The following QTGAL variants were observed in gnomAD, a reference collection of about 807,000 sequenced individuals.
The protein encoded by QTGAL is BGnT-like protein 1.
the QTGAL span, among the ~76,000 whole-genome samples, chr17:83,040,363 G>A: frequency 2.6e-5 from 4 of 152,196 alleles, no homozygotes; most frequent in South Asian, 8.3e-4. Flanking sequence ...ATGCAATATA[G>A]GCAGGCATAT....
the QTGAL span, chr17:83,011,637 G>A: frequency 6.6e-6 from 1 of 152,176 alleles, no homozygotes; most frequent in Admixed American, 6.5e-5. Context: ...GAAGAGCTTC[G>A]ACGTGGAGAA....
chr17:82,999,981 G>A, the QTGAL span, among the ~76,000 whole-genome samples: 9 of 152,006 alleles, frequency 5.9e-5, no homozygotes, highest in South Asian at 1.9e-3. Flanking sequence ...TTGTTTTTTT[G>A]AGATGGAGTC....
the QTGAL span, among the ~76,000 whole-genome samples, chr17:83,026,966 A>G: frequency 0.023 from 19 of 826 alleles, 1 homozygote; most frequent in East Asian, 0.25. Context: ...AGAGCGGGGC[A>G]GGGAGCCTGC....
chr17:83,018,207 G>A, the QTGAL span, among the ~76,000 whole-genome samples: 327 of 146,398 alleles, frequency 2.2e-3, 2 homozygotes, highest in African/African-American at 7.2e-3. Flanking sequence ...CCACAAACAC[G>A]GCGTGCCTGT....
At chr17:82,997,373 A>G in the QTGAL span, among the ~76,000 whole-genome samples, 1 of 152,208 alleles carries the variant, frequency 6.6e-6, no homozygotes, top group Admixed American at 6.5e-5. Context: ...TATCCAAAAA[A>G]TCAGTCCATA....
the QTGAL span, among the ~76,000 whole-genome samples, chr17:82,953,158 T>G: frequency 6.6e-6 from 1 of 151,130 alleles, no homozygotes; most frequent in Non-Finnish European, 1.5e-5. Context: ...GCAAACAAAT[T>G]CAAAAGCTAG....
At chr17:82,957,618 C>T in the QTGAL span, 1 of 1,314,002 alleles carries the variant, frequency 7.6e-7, no homozygotes, top group Admixed American at 2.7e-5. Flanking sequence ...TGGCCCAATG[C>T]CTAAGAGAGA....
At chr17:82,959,919 G>A in the QTGAL span, among the ~76,000 whole-genome samples, 1 of 152,118 alleles carries the variant, frequency 6.6e-6, no homozygotes, top group African/African-American at 2.4e-5. Flanking sequence ...GGGAGAACAG[G>A]CTCCCCAGGG....
the QTGAL span, among the ~76,000 whole-genome samples, chr17:83,008,768 T>C: frequency 1.3e-5 from 2 of 151,902 alleles, no homozygotes; most frequent in South Asian, 2.1e-4. Context: ...ATCCCTGCCA[T>C]TGAGCGAGTG....
the QTGAL span, among the ~76,000 whole-genome samples, chr17:82,995,909 C>G: frequency 2.0e-5 from 3 of 150,418 alleles, no homozygotes; most frequent in South Asian, 2.1e-4. Context: ...GGAATTAACT[C>G]AACCAAAGGA....
chr17:82,974,327 C>T, the QTGAL span, among the ~76,000 whole-genome samples: 1 of 152,226 alleles, frequency 6.6e-6, no homozygotes, highest in Non-Finnish European at 1.5e-5. Flanking sequence ...CCACACAGGC[C>T]CCCTGAGGTG....
the QTGAL span, among the ~76,000 whole-genome samples, chr17:83,039,701 G>A: frequency 6.6e-6 from 1 of 152,226 alleles, no homozygotes; most frequent in Non-Finnish European, 1.5e-5. Flanking sequence ...CAAGATGGGT[G>A]CTGACTACCA....
At chr17:82,972,156 C>G in the QTGAL span, among the ~76,000 whole-genome samples, 12 of 67,606 alleles carry the variant, frequency 1.8e-4, no homozygotes, top group Admixed American at 3.2e-4. Context: ...ACTGACCACA[C>G]CACACCACGG....
the QTGAL span, among the ~76,000 whole-genome samples, chr17:82,970,586 ACCTCCG>A: frequency 7.4e-6 from 1 of 134,424 alleles, no homozygotes. Flanking sequence ...CGTGGCCGCG[ACCTCCG>A]CACCCGGCGT....
chr17:83,019,700 A>C, the QTGAL span, among the ~76,000 whole-genome samples: 16 of 152,364 alleles, frequency 1.1e-4, no homozygotes, highest in East Asian at 2.3e-3. Flanking sequence ...TTTACCACAC[A>C]CAAAAACTAA....
the QTGAL span, among the ~76,000 whole-genome samples, chr17:82,962,710 T>C: frequency 1.3e-5 from 2 of 152,162 alleles, no homozygotes; most frequent in Non-Finnish European, 2.9e-5. Context: ...CAAAGGCAGC[T>C]CTAAAGAGCA....
the QTGAL span, among the ~76,000 whole-genome samples, chr17:82,984,499 A>G: frequency 1.4e-5 from 2 of 142,260 alleles, no homozygotes; most frequent in Non-Finnish European, 3.0e-5. Flanking sequence ...CCACAGGAGG[A>G]CGCAGGGAGA....
the QTGAL span, among the ~76,000 whole-genome samples, chr17:82,975,893 G>C: frequency 2.1e-5 from 1 of 48,020 alleles, no homozygotes; most frequent in Admixed American, 1.5e-4. Flanking sequence ...GCCACTTATG[G>C]GGAACGAGGG....
At chr17:83,010,742 G>A in the QTGAL span, among the ~76,000 whole-genome samples, 2 of 152,218 alleles carry the variant, frequency 1.3e-5, no homozygotes, top group Non-Finnish European at 2.9e-5. Context: ...GTCGGCTGCC[G>A]TGCCGTCTGG....
Sources: gnomAD v4.1 joint callset for allele counts (sites outside exome capture counted in the v4.1 genomes callset) on GRCh38, gnomAD v4.1.1 for gene constraint, MANE v1.5 for transcripts, NCBI Gene and HGNC (gene_info 2026-07-23, HGNC 2026-07-21) for gene names.